The following ARSF variants were observed in gnomAD, a reference collection of about 807,000 sequenced individuals.
The protein encoded by ARSF is arylsulfatase F.
ARSF carries 33 observed loss-of-function variants against 35.4 expected under a neutral mutation model. The observed-to-expected ratio is 0.93, with a 90% CI of 0.71 to 1.25. ARSF has a LOEUF of 1.25. Among genes scored for constraint, ARSF ranks in the 50% most tolerant of loss-of-function variants. ARSF has a pLI of 0.00. For synonymous variants in ARSF, 222 were observed against 193.1 expected (o/e 1.15, Z -1.24); for missense variants, 501 against 480.2 (o/e 1.04, Z -0.40).
In ARSF at chrX:3,049,717, C is replaced by T. The variant is rs181148051; in HGVS notation, c.-29+8054C>T. On this transcript the variant is annotated intron_variant, in intron 1 of 10. Transcript: ENST00000381127. Reference sequence around the variant, plus strand: ...TGCAGTTCCCAGCTTGCCTTTTCCCCTTGGCTTGGGGATTTTGGTTTCCTT... The same window carrying T: ...TGCAGTTCCCAGCTTGCCTTTTCCCTTTGGCTTGGGGATTTTGGTTTCCTT... Among the ~76,000 whole-genome samples the T allele has an allele frequency of 2.9e-3, 318 of 111,200 alleles. 3 individuals carry two copies. Among genetic ancestry groups the T allele is most frequent in the African/African-American group, 9.9e-3 (303 of 30,627 alleles).
chrX:3,071,709 C>T (rs939911432), intron 2 of ARSF, among the ~76,000 whole-genome samples: 28 of 111,726 alleles, frequency 2.5e-4, no homozygotes, highest in African/African-American at 8.8e-4. Flanking sequence ...TAAGGAATCT[C>T]CATACTGTTT....
At chrX:3,080,003 G>A (rs1037650473) in intron 4 of ARSF, among the ~76,000 whole-genome samples, 22 of 81,524 alleles carry the variant, frequency 2.7e-4, no homozygotes, top group Non-Finnish European at 2.9e-4. Context: ...GAGAGAGAGA[G>A]AAAAAAAAAA....
intron 1 of ARSF, among the ~76,000 whole-genome samples, chrX:3,049,437 G>A (rs2089988478): frequency 8.9e-6 from 1 of 111,910 alleles, no homozygotes; most frequent in Non-Finnish European, 1.9e-5. Context: ...TATCAGATAT[G>A]CATTTGTCTC....
intron 3 of ARSF, 52 bp from the exon 4 acceptor site, chrX:3,076,496 C>T: frequency 8.7e-7 from 1 of 1,145,244 alleles, no homozygotes; most frequent in Admixed American, 2.6e-5. Context: ...TCTGCTTCCC[C>T]CGCCCCCCAC....
Position 3,112,646 on chromosome X carries a change from T to C in ARSF, c.*90T>C. On this transcript the variant is annotated 3_prime_UTR_variant, in exon 11 of 11. Coordinates refer to ENST00000381127, the MANE Select transcript of ARSF (RefSeq NM_001201539.2). ...CCAAAGGAAGCACTAACTTTGGTGCTTTCAAGTTGGCAAGGAGTGCATTTA... is the reference window on the plus strand; with the variant it reads ...CCAAAGGAAGCACTAACTTTGGTGCCTTCAAGTTGGCAAGGAGTGCATTTA... 1 of 1,066,015 alleles carries C rather than the reference T, an allele frequency of 9.4e-7. No individual in the cohort carries two copies. Among genetic ancestry groups the C allele is most frequent in the Non-Finnish European group, 1.2e-6 (1 of 820,803 alleles). The allele number at this position is 1,066,015 out of a possible 1,213,427, so 87.9% of individuals were successfully genotyped here.
chrX:3,049,599 T>C (rs1009655442), intron 1 of ARSF, among the ~76,000 whole-genome samples: 1 of 111,706 alleles, frequency 9.0e-6, no homozygotes, highest in Admixed American at 9.6e-5. Flanking sequence ...GAAAGAGGTA[T>C]GTAGCTTTTT....
At chrX:3,097,658 G>A (rs1302421232) in intron 7 of ARSF, among the ~76,000 whole-genome samples, 1 of 111,745 alleles carries the variant, frequency 8.9e-6, no homozygotes, top group South Asian at 3.7e-4. Context: ...TTAAATTATG[G>A]CAAAGTATGA....
At position 3,072,112 on chromosome X, in the gene ARSF, T is replaced by C. The variant is rs1286337156; in HGVS notation, c.98T>C (p.Val33Ala). 5.8e-6 allele frequency: 7 copies of C among 1,202,727 alleles called. No individual in the cohort carries two copies. Among genetic ancestry groups the C allele is most frequent in the Non-Finnish European group, 7.8e-6 (7 of 893,795 alleles). Residue 33 changes from valine (V) to alanine (A), a missense_variant, in exon 3 of 11, where the codon GTC becomes GCC. Val to Ala is a moderately conservative substitution (Grantham distance 64, BLOSUM62 0). Coordinates refer to ENST00000381127, the MANE Select transcript of ARSF (RefSeq NM_001201539.2). Reference sequence around the variant, plus strand: ...GTGCATGACGACAAGCCTAATATTGTCCTAATCATGGTTGATGACCTGGGT... The same window carrying C: ...GTGCATGACGACAAGCCTAATATTGCCCTAATCATGGTTGATGACCTGGGT... The part of the protein sequence containing the change: ...HRVHDDKPNI[V>A]LIMVDDLGIG...
At chrX:3,042,124 G>A (rs752631516) in intron 1 of ARSF, among the ~76,000 whole-genome samples, 19 of 111,955 alleles carry the variant, frequency 1.7e-4, no homozygotes, top group African/African-American at 5.8e-4. Context: ...GAAATAAGAC[G>A]TTTAATGTTA....
In ARSF at chrX:3,062,971, T is replaced by C. The variant is rs183870223; in HGVS notation, c.-28-5102T>C. 9.3e-3 allele frequency among the ~76,000 whole-genome samples: 1,038 copies of C among 111,785 alleles called. 16 individuals are homozygous for C. Among genetic ancestry groups the C allele is most frequent in the African/African-American group, 0.032 (985 of 30,743 alleles). Reference sequence around the variant, plus strand: ...TCATTTTATGAGGCCAACATCATCCTGATACCAAAGCCTGGCAGAGACACA... The same window carrying C: ...TCATTTTATGAGGCCAACATCATCCCGATACCAAAGCCTGGCAGAGACACA... On this transcript the variant is annotated intron_variant, in intron 1 of 10. Coordinates refer to ENST00000381127, the MANE Select transcript of ARSF (RefSeq NM_001201539.2).
intron 7 of ARSF, among the ~76,000 whole-genome samples, chrX:3,099,476 A>G (rs73441528): frequency 0.013 from 1,443 of 111,412 alleles, 14 homozygotes; most frequent in Middle Eastern, 0.046. Flanking sequence ...TTTTCTGAGA[A>G]TAAAGACCGG....
chrX:3,110,306 G>T, intron 10 of ARSF, 54 bp downstream of exon 10: 2 of 1,071,579 alleles, frequency 1.9e-6, no homozygotes, highest in South Asian at 5.7e-5. Context: ...GGTCACTCAG[G>T]TGTATCCTGA....
At chrX:3,093,686 G>T (rs5939163) in intron 7 of ARSF, among the ~76,000 whole-genome samples, 1 of 111,379 alleles carries the variant, frequency 9.0e-6, no homozygotes, top group African/African-American at 3.3e-5. Context: ...ATTGTGAATA[G>T]TATGATAATC....
In ARSF at chrX:3,112,692, C is replaced by G; in HGVS notation, c.*136C>G. 4.2e-6 allele frequency: 4 copies of G among 944,341 alleles called. No individual in the cohort carries two copies. The highest frequency in any genetic ancestry group is 5.5e-6 in the Non-Finnish European group (4 of 729,737). 77.8% of individuals were successfully genotyped at this position (944,341 alleles called of 1,213,427 possible). On this transcript the variant is annotated 3_prime_UTR_variant, in exon 11 of 11. Transcript: ENST00000381127. ...ATTTAATAGTCAATAAATTCATCTA[C>G]CATTCCAGATTATTAAAGGCCCACT...
At position 3,089,561 on chromosome X, in the gene ARSF, C is replaced by T. The variant is rs764160465; in HGVS notation, c.896C>T (p.Thr299Met). 3.3e-6 allele frequency: 4 copies of T among 1,211,499 alleles called. No homozygotes were observed. The highest frequency in any genetic ancestry group is 1.8e-5 in the South Asian group (1 of 56,963). Reference sequence around the variant, plus strand: ...CACGTGCACACACCTCTCCCCACCACGGACGATTTCACTGGCACCAGCAAG... The same window carrying T: ...CACGTGCACACACCTCTCCCCACCATGGACGATTTCACTGGCACCAGCAAG... Reference protein sequence around the residue: ...FLHVHTPLPTTDDFTGTSKHG... With the variant: ...FLHVHTPLPTMDDFTGTSKHG... The change falls in exon 7 of 11, where the codon ACG becomes ATG. Residue 299 changes from threonine (T) to methionine (M), a missense_variant. By Grantham distance (81) the Thr-to-Met change is moderately conservative (BLOSUM62 -1). Transcript: ENST00000381127.
intron 3 of ARSF, among the ~76,000 whole-genome samples, chrX:3,076,277 TC>T (rs1196942732): frequency 9.2e-6 from 1 of 109,288 alleles, no homozygotes; most frequent in Non-Finnish European, 1.9e-5. Flanking sequence ...CTGTCTCTTT[TC>T]ATCTCTCTCT....
chrX:3,096,922 G>A (rs1207193729), intron 7 of ARSF, among the ~76,000 whole-genome samples: 2 of 110,940 alleles, frequency 1.8e-5, no homozygotes, highest in Non-Finnish European at 3.8e-5. Context: ...TGAGGTCATT[G>A]GGGGTGGGTC....
At chrX:3,090,629 T>C (rs1424777635) in intron 7 of ARSF, among the ~76,000 whole-genome samples, 2 of 112,479 alleles carry the variant, frequency 1.8e-5, no homozygotes, top group African/African-American at 6.5e-5. Flanking sequence ...ATTGCACCAC[T>C]GCACTCCATG....
intron 7 of ARSF, among the ~76,000 whole-genome samples, chrX:3,098,047 A>AACACACACACACACACAC (rs3032523): frequency 5.7e-5 from 5 of 88,074 alleles, no homozygotes; most frequent in Non-Finnish European, 8.7e-5. Context: ...ATACACACAC[A>AACACACACACACACACAC]ACACACACAC....
Sources: gnomAD v4.1 joint callset for allele counts (sites outside exome capture counted in the v4.1 genomes callset) on GRCh38, gnomAD v4.1.1 for gene constraint, MANE v1.5 for transcripts, NCBI Gene and HGNC (gene_info 2026-07-23, HGNC 2026-07-21) for gene names.